PEAK1: variants seen among roughly 807,000 people sequenced by gnomAD.
PEAK1 encodes inactive tyrosine-protein kinase PEAK1.
A neutral mutation model predicts 124.7 loss-of-function variants in PEAK1; 54 were observed. The observed-to-expected ratio is 0.43, with a 90% CI of 0.35 to 0.54. The LOEUF is 0.54. Among genes scored for constraint, PEAK1 ranks in the 20% least tolerant of loss-of-function variants. PEAK1 has a pLI of 0.01. For synonymous variants in PEAK1, 719 were observed against 760.0 expected, an observed-to-expected ratio of 0.95 and a Z score of 0.89; for missense variants, 2,046 against 2,134.5, an observed-to-expected ratio of 0.96 and a Z score of 0.82.
At position 77,180,606 on chromosome 15, in the gene PEAK1, T is replaced by C. The variant is rs1460469216; in HGVS notation, c.1321A>G (p.Thr441Ala). ...QTEKEESKAS[T>A]DVAGQAVTIN... ...GTTACTGCTTGCCCAGCAACATCTG[T>C]AGAGGCTTTACTTTCTTCCTTCTCA... The change falls in exon 7 of 10, where the codon ACA becomes GCA. Residue 441 changes from threonine to alanine, a missense_variant. Coordinates refer to ENST00000682557, the MANE Select transcript of PEAK1 (RefSeq NM_001385026.1). 1 of 1,614,164 alleles carries C rather than the reference T, an allele frequency of 6.2e-7. No homozygotes were observed. Among genetic ancestry groups the C allele is most frequent in the Non-Finnish European group, 8.5e-7 (1 of 1,180,014 alleles).
chr15:77,182,092 A>G, intron 6 of PEAK1, 52 bp from the exon 7 acceptor site: 1 of 1,308,740 alleles, frequency 7.6e-7, no homozygotes, highest in African/African-American at 1.5e-5. Context: ...GCACTATGAG[A>G]CTTACCATTA....
intron 7 of PEAK1, among the ~76,000 whole-genome samples, chr15:77,164,908 T>TC (rs1236193893): frequency 2.1e-4 from 31 of 150,952 alleles, no homozygotes; most frequent in Admixed American, 5.3e-4. Flanking sequence ...TTTCTTTCTT[T>TC]TTTTTTTTTT....
chr15:77,136,814 GC>G (rs2053371404), intron 8 of PEAK1, among the ~76,000 whole-genome samples: 1 of 152,236 alleles, frequency 6.6e-6, no homozygotes, highest in Non-Finnish European at 1.5e-5. Flanking sequence ...GTAACGAGGA[GC>G]TGAAGGTTAA....
intron 2 of PEAK1, chr15:77,333,931 T>C: frequency 2.5e-6 from 1 of 393,078 alleles, no homozygotes; most frequent in Non-Finnish European, 3.5e-6. Flanking sequence ...CCCTATTTCA[T>C]CCCACTTCTG....
chr15:77,407,936 C>CAT (rs1404909525), intron 1 of PEAK1, among the ~76,000 whole-genome samples: 1 of 76,842 alleles, frequency 1.3e-5, no homozygotes, highest in South Asian at 4.0e-4. Context: ...TATATACACA[C>CAT]ATATATACAC....
chr15:77,371,843 C>T (rs1393327992), intron 1 of PEAK1, among the ~76,000 whole-genome samples: 1 of 152,208 alleles, frequency 6.6e-6, no homozygotes, highest in African/African-American at 2.4e-5. Context: ...GAGATCGCGC[C>T]ACTGCGCTCC....
chr15:77,252,786 A>G (rs2060939008), intron 5 of PEAK1, among the ~76,000 whole-genome samples: 1 of 152,192 alleles, frequency 6.6e-6, no homozygotes, highest in Admixed American at 6.6e-5. Context: ...CTAAGTCTTC[A>G]TTTGATTGTT....
chr15:77,102,683 A>G lies in PEAK1; in HGVS notation c.*11473T>C, dbSNP rs541966359. 5 of 152,326 alleles carry G rather than the reference A, an allele frequency of 3.3e-5. No individual in the cohort carries two copies. In the South Asian group the frequency reaches 6.2e-4, roughly 19 times the overall value. 9.4% of individuals were successfully genotyped at this position (152,326 alleles called of 1,614,324 possible). On this transcript the variant is annotated 3_prime_UTR_variant, in exon 7 of 7. Transcript: ENST00000560626. ...TGATGTCTTACTTATCCTATATTAC[A>G]TATACTAGTTTCATACTGATACTAT...
intron 1 of PEAK1, among the ~76,000 whole-genome samples, chr15:77,388,960 A>ATTTTTTTTT (rs751451938): frequency 8.2e-6 from 1 of 121,694 alleles, no homozygotes; most frequent in African/African-American, 3.1e-5. Flanking sequence ...TCTTTTGCTT[A>ATTTTTTTTT]TTTTTTTTTT....
intron 5 of PEAK1, among the ~76,000 whole-genome samples, chr15:77,268,818 A>G (rs2061874713): frequency 6.6e-6 from 1 of 152,172 alleles, no homozygotes; most frequent in Admixed American, 6.6e-5. Context: ...CAGATTTCGC[A>G]GCAGAAACCC....
rs189089235 is a variant in PEAK1, at chr15:77,195,636, A to G, written c.-114-13596T>C. Among the ~76,000 whole-genome samples, 223 of 152,282 alleles carry G rather than the reference A, an allele frequency of 1.5e-3. 1 individual carries two copies. Among genetic ancestry groups the G allele is most frequent in the African/African-American group, 5.2e-3 (217 of 41,550 alleles). The stretch of plus-strand genomic sequence containing the variant: ...AACCTTAGATGCATGCTGAATTCCA[A>G]TGAAGTCCTCCTACATGTATACTTT... On this transcript the variant is annotated intron_variant, in intron 6 of 9. Transcript: ENST00000682557.
chr15:77,255,564 T>C (rs771148970), intron 5 of PEAK1: 12 of 161,766 alleles, frequency 7.4e-5, no homozygotes, highest in East Asian at 1.9e-4. Context: ...TCACCAACCA[T>C]TTATGATGCA....
chr15:77,296,608 T>C (rs2063498798), intron 2 of PEAK1, among the ~76,000 whole-genome samples: 1 of 150,994 alleles, frequency 6.6e-6, no homozygotes. Flanking sequence ...AGTGAGACTC[T>C]GTCTCAAAAA....
intron 2 of PEAK1, chr15:77,345,816 C>T: frequency 1.0e-5 from 7 of 688,264 alleles, no homozygotes; most frequent in Non-Finnish European, 1.3e-5. Context: ...TTGATCTTTA[C>T]ACATTGTATA....
chr15:77,313,860 G>A (rs1418085984), intron 2 of PEAK1, among the ~76,000 whole-genome samples: 2 of 151,346 alleles, frequency 1.3e-5, no homozygotes, highest in African/African-American at 4.9e-5. Context: ...GGGATTACAG[G>A]TGTGAGCCAC....
chr15:77,347,582 A>T, intron 2 of PEAK1: 1 of 985,424 alleles, frequency 1.0e-6, no homozygotes, highest in Non-Finnish European at 1.2e-6. Context: ...TATTTGTCCT[A>T]ATACTTGTTT....
intron 8 of PEAK1, among the ~76,000 whole-genome samples, chr15:77,141,740 G>A (rs1489419975): frequency 6.6e-6 from 1 of 152,152 alleles, no homozygotes; most frequent in Non-Finnish European, 1.5e-5. Flanking sequence ...AAGGCCAACT[G>A]ATTTTTGACA....
chr15:77,122,198 T>C (rs1288970984), intron 9 of PEAK1, among the ~76,000 whole-genome samples: 1 of 152,216 alleles, frequency 6.6e-6, no homozygotes, highest in East Asian at 1.9e-4. Context: ...GAATCTGCTA[T>C]GAGAACTGTT....
At chr15:77,210,123 A>G (rs1460804605) in intron 6 of PEAK1, among the ~76,000 whole-genome samples, 1 of 152,232 alleles carries the variant, frequency 6.6e-6, no homozygotes, top group African/African-American at 2.4e-5. Context: ...TAAGTGCTAT[A>G]GCATAAGTGA....
Sources: allele counts gnomAD v4.1 joint callset (sites outside exome capture counted in the v4.1 genomes callset), GRCh38; gene constraint gnomAD v4.1.1; transcripts MANE v1.5; gene names NCBI Gene and HGNC (gene_info 2026-07-23, HGNC 2026-07-21).